Variants in BPTF observed in about 807,000 individuals in gnomAD.
BPTF encodes the protein nucleosome-remodeling factor subunit BPTF.
BPTF carries 18 observed loss-of-function variants against 292.5 expected under a neutral mutation model. The ratio of observed to expected loss-of-function variants is 0.06; its 90% confidence interval spans 0.04 to 0.09. The LOEUF (loss-of-function observed/expected upper bound fraction) is 0.09. Ranked by LOEUF, BPTF falls within the 10% of genes least tolerant of loss-of-function variation. The probability of loss-of-function intolerance (pLI) is 1.00; values close to 1 mark genes in which losing one functional copy is unlikely to be tolerated. For missense variants in BPTF, 2,726 were observed against 3,498.7 expected (o/e 0.78, Z 5.57); for synonymous variants, 1,225 against 1,251.9 (o/e 0.98, Z 0.45).
Position 67,946,149 on chromosome 17 carries a change from G to T in BPTF, c.7441G>T (p.Val2481Leu). ...LPIQIQQSSA[V>L]QTHQIQNVVT... is the part of the protein sequence containing the mutation. ...TATCCAAATTCAGCAAAGCAGTGCTGTGCAGACTCACCAGATTCAGAATGT... is the reference window on the plus strand; with the variant it reads ...TATCCAAATTCAGCAAAGCAGTGCTTTGCAGACTCACCAGATTCAGAATGT... The change falls in exon 21 of 28, where the codon GTG (valine) becomes TTG (leucine). Residue 2481 changes from valine to leucine, a missense_variant. Physicochemically the swap from Val to Leu is conservative, Grantham distance 32 (BLOSUM62 1). Around this residue, in one of 22 missense-constraint regions of BPTF, gnomAD observed 570 missense variants for 633.5 expected, o/e 0.90. Transcript: ENST00000306378. 1 of 1,614,178 alleles carries T rather than the reference G, an allele frequency of 6.2e-7. No homozygotes were observed. The highest frequency in any genetic ancestry group is 8.5e-7 in the Non-Finnish European group (1 of 1,180,036).
At position 67,853,875 on chromosome 17, in the gene BPTF, A is replaced by G. The variant is rs528331492; in HGVS notation, c.614-65A>G. ...TGTATTTTAGGGGGGTATATGTTCA[A>G]ATAGGAAATTTGTAGAAATGATGTA... On this transcript the variant is annotated intron_variant, in intron 1 of 27. Coordinates refer to ENST00000306378, the MANE Select transcript of BPTF (RefSeq NM_182641.4). 5 of 1,331,202 alleles carry G rather than the reference A, an allele frequency of 3.8e-6. No homozygotes were observed. In the South Asian group the frequency reaches 6.9e-5, roughly 18 times the overall value. 82.5% of individuals were successfully genotyped at this position (1,331,202 alleles called of 1,614,324 possible). A position where few individuals can be genotyped will look rare whatever the true frequency, so the allele number is the denominator to read the frequency against.
rs372440339 is a variant in BPTF, at chr17:67,858,687, C to T, written c.1436+3925C>T. Among the ~76,000 whole-genome samples, 27 of 152,306 alleles carry T rather than the reference C, an allele frequency of 1.8e-4. No homozygotes were observed. In the East Asian group the frequency reaches 2.7e-3, roughly 15 times the overall value. ...TTCAGCAGTTAGCAGGTCACGTTCA[C>T]GCAGTCTCAAGTGCCCTCCTGAAAG... On this transcript the variant is annotated intron_variant, in intron 2 of 27. Transcript: ENST00000306378.
chr17:67,886,398 T>C, intron 4 of BPTF: 2 of 1,000,620 alleles, frequency 2.0e-6, no homozygotes, highest in Non-Finnish European at 2.7e-6. Context: ...TGTGGTTTTT[T>C]GCTTTTGTTT....
chr17:67,920,431 G>A (rs2063353671), intron 13 of BPTF, among the ~76,000 whole-genome samples: 1 of 152,210 alleles, frequency 6.6e-6, no homozygotes, highest in Admixed American at 6.5e-5. Flanking sequence ...CTGGAGAGCA[G>A]CCATCTCGTC....
intron 26 of BPTF, among the ~76,000 whole-genome samples, chr17:67,968,613 C>T (rs377275656): frequency 1.3e-5 from 2 of 150,436 alleles, no homozygotes; most frequent in African/African-American, 2.5e-5. Flanking sequence ...CCCGTGTTAG[C>T]CCGTCTCTAC....
At chr17:67,946,347 A>G (rs1427753240) in intron 21 of BPTF, 22 bp downstream of exon 21, 1 of 1,608,694 alleles carries the variant, frequency 6.2e-7, no homozygotes, top group Middle Eastern at 1.7e-4. Context: ...AAGTAAAAGC[A>G]GCATGTTCAG....
intron 26 of BPTF, chr17:67,974,191 A>C (rs1555692587): frequency 6.6e-6 from 1 of 152,236 alleles, no homozygotes; most frequent in Admixed American, 6.5e-5. Context: ...AATTGTATAC[A>C]GAATTTTATT....
At chr17:67,874,542 A>G (rs997880213) in intron 3 of BPTF, among the ~76,000 whole-genome samples, 1 of 152,186 alleles carries the variant, frequency 6.6e-6, no homozygotes, top group African/African-American at 2.4e-5. Flanking sequence ...TATCAAGGCT[A>G]TATTTTAAAA....
chr17:67,916,500 G>A (rs1230199707), intron 11 of BPTF, among the ~76,000 whole-genome samples: 1 of 152,122 alleles, frequency 6.6e-6, no homozygotes, highest in African/African-American at 2.4e-5. Flanking sequence ...TGAGGCAGGA[G>A]AATCACTTGA....
At chr17:67,921,209 C>CAAA (rs60707445) in intron 13 of BPTF, among the ~76,000 whole-genome samples, 14 of 49,236 alleles carry the variant, frequency 2.8e-4, no homozygotes, top group Non-Finnish European at 3.6e-4. Flanking sequence ...GAATCCGTGT[C>CAAA]AAAAAAAAAA....
Position 67,976,960 on chromosome 17 carries a change from T to C in BPTF, c.8726+1002T>C, listed in dbSNP as rs191378332. On this transcript the variant is annotated intron_variant, in intron 27 of 27. Transcript: ENST00000306378. ...AAAGACTCACCCCTACATACATCGC[T>C]ATAAAATTTCCAAATGCTAAGAATA... Among the ~76,000 whole-genome samples, 43 of 152,162 alleles carry C rather than the reference T, an allele frequency of 2.8e-4. No individual in the cohort carries two copies. In the East Asian group the frequency reaches 7.9e-3, roughly 28 times the overall value.
At position 67,853,932 on chromosome 17, in the gene BPTF, A is replaced by G; in HGVS notation, c.614-8A>G. ...TGATTTGTAATGATGTCACGTCTTT[A>G]TCTACAGGTAGGCGAAAACCAAGAG... On this transcript the variant is annotated splice_region_variant and splice_polypyrimidine_tract_variant and intron_variant, in intron 1 of 27. Transcript: ENST00000306378. 1 of 1,599,874 alleles carries G rather than the reference A, an allele frequency of 6.3e-7. No individual in the cohort carries two copies. Among genetic ancestry groups the G allele is most frequent in the Non-Finnish European group, 8.5e-7 (1 of 1,170,372 alleles).
intron 1 of BPTF, among the ~76,000 whole-genome samples, chr17:67,847,000 T>G (rs1348835777): frequency 6.6e-6 from 1 of 152,064 alleles, no homozygotes; most frequent in Non-Finnish European, 1.5e-5. Flanking sequence ...CAAGCCCAGC[T>G]GGACTTGTGG....
intron 2 of BPTF, 52 bp from the exon 3 acceptor site, chr17:67,866,412 A>T: frequency 7.3e-7 from 1 of 1,363,104 alleles, no homozygotes. Context: ...GAACTGTCAG[A>T]TAAGTGGCAT....
chr17:67,952,603 T>C (rs2066483455), intron 23 of BPTF, among the ~76,000 whole-genome samples: 1 of 152,208 alleles, frequency 6.6e-6, no homozygotes. Context: ...GTGCAGAACG[T>C]ACAGTTCCCA....
intron 25 of BPTF, chr17:67,966,296 G>T (rs1200923166): frequency 6.2e-6 from 2 of 320,094 alleles, no homozygotes; most frequent in Non-Finnish European, 1.2e-5. Context: ...ACTCAGTGAC[G>T]GCTCATCATG....
At chr17:67,840,125 A>G (rs112926011) in intron 1 of BPTF, among the ~76,000 whole-genome samples, 4 of 140,772 alleles carry the variant, frequency 2.8e-5, no homozygotes, top group Non-Finnish European at 6.1e-5. Context: ...TTTTTTTGAG[A>G]TAGGGTCTTG....
At chr17:67,876,764 T>C (rs8067282) in intron 4 of BPTF, among the ~76,000 whole-genome samples, 136,302 of 152,146 alleles carry the variant, frequency 0.9, 61,694 homozygotes, top group Non-Finnish European at 0.96. Context: ...TGAGATCGTA[T>C]CACTGCACTC....
intron 24 of BPTF, among the ~76,000 whole-genome samples, chr17:67,962,033 C>T (rs1379678679): frequency 2.6e-5 from 4 of 151,836 alleles, no homozygotes; most frequent in Non-Finnish European, 5.9e-5. Context: ...GCCCCAGCTA[C>T]TCGGGAGGCT....
Sources: gnomAD v4.1 joint callset for allele counts (sites outside exome capture counted in the v4.1 genomes callset) on GRCh38, gnomAD v4.1.1 for gene constraint, gnomAD v4.1.1 regional missense constraint, MANE v1.5 for transcripts, NCBI Gene and HGNC (gene_info 2026-07-23, HGNC 2026-07-21) for gene names.